ST18: variants seen among roughly 807,000 people sequenced by gnomAD.
ST18 encodes suppression of tumorigenicity 18 protein.
ST18 carries 50 observed loss-of-function variants against 110.0 expected under a neutral mutation model. The observed-to-expected ratio is 0.45, with a 90% CI of 0.36 to 0.58. The LOEUF (loss-of-function observed/expected upper bound fraction) is 0.58, where lower values mean the gene tolerates loss of function less well. ST18 is among the 20% of genes least tolerant of loss of function. The pLI is 0.00. For synonymous variants in ST18, 461 were observed against 452.4 expected, an observed-to-expected ratio of 1.02 and a Z score of -0.24; for missense variants, 1,306 against 1,280.1, an observed-to-expected ratio of 1.02 and a Z score of -0.31.
intron 2 of ST18, among the ~76,000 whole-genome samples, chr8:52,288,456 T>C (rs1333163023): frequency 1.3e-5 from 2 of 152,068 alleles, no homozygotes; most frequent in African/African-American, 2.4e-5. Flanking sequence ...TCCCAGCACT[T>C]TGAGAGACAG....
chr8:52,320,684 G>C (rs1300841329), intron 2 of ST18, among the ~76,000 whole-genome samples: 1 of 152,178 alleles, frequency 6.6e-6, no homozygotes, highest in Admixed American at 6.5e-5. Flanking sequence ...ACATTAAAAA[G>C]TATCACAATA....
chr8:52,151,671 G>A (rs908273337), intron 15 of ST18, among the ~76,000 whole-genome samples: 1 of 152,092 alleles, frequency 6.6e-6, no homozygotes. Flanking sequence ...ACAATTTTTG[G>A]CTTCGTAGCT....
At chr8:52,251,741 A>G (rs934025930) in intron 2 of ST18, among the ~76,000 whole-genome samples, 2 of 152,066 alleles carry the variant, frequency 1.3e-5, no homozygotes, top group Admixed American at 1.3e-4. Flanking sequence ...AATTAAATTT[A>G]TCCTTTCACC....
At chr8:52,373,230 C>A (rs981970061) in intron 2 of ST18, among the ~76,000 whole-genome samples, 13 of 151,982 alleles carry the variant, frequency 8.6e-5, no homozygotes, top group Non-Finnish European at 1.9e-4. Context: ...TCCTCATTTT[C>A]CCCCTTCAGA....
chr8:52,272,934 G>A (rs562845883), intron 2 of ST18, among the ~76,000 whole-genome samples: 1 of 152,256 alleles, frequency 6.6e-6, no homozygotes, highest in Non-Finnish European at 1.5e-5. Flanking sequence ...ATTCATCAAT[G>A]TGCATAAAAT....
intron 8 of ST18, among the ~76,000 whole-genome samples, chr8:52,210,668 T>C (rs1400213556): frequency 1.3e-5 from 2 of 151,204 alleles, no homozygotes; most frequent in African/African-American, 4.9e-5. Context: ...AGACCATGTC[T>C]CAAAAAAATA....
chr8:52,143,559 G>C (rs575946551), intron 16 of ST18, among the ~76,000 whole-genome samples: 1 of 152,262 alleles, frequency 6.6e-6, no homozygotes, highest in East Asian at 1.9e-4. Flanking sequence ...TATCCTAAGT[G>C]AAGAATGAAA....
intron 8 of ST18, among the ~76,000 whole-genome samples, chr8:52,186,994 C>A (rs766900126): frequency 6.6e-6 from 1 of 151,660 alleles, no homozygotes; most frequent in Non-Finnish European, 1.5e-5. Context: ...GCTATACATA[C>A]ATAAGTTGTG....
chr8:52,321,535 A>G (rs1271968809), intron 2 of ST18, among the ~76,000 whole-genome samples: 1 of 152,170 alleles, frequency 6.6e-6, no homozygotes, highest in Non-Finnish European at 1.5e-5. Context: ...TATTTTGTTT[A>G]TTTTGTTGCT....
intron 8 of ST18, among the ~76,000 whole-genome samples, chr8:52,188,394 C>G (rs1056623771): frequency 6.6e-6 from 1 of 152,118 alleles, no homozygotes; most frequent in South Asian, 2.1e-4. Context: ...ACAGCAGGTG[C>G]AAGGGCCCTG....
At chr8:52,146,864 T>C (rs941616203) in intron 16 of ST18, among the ~76,000 whole-genome samples, 1 of 152,212 alleles carries the variant, frequency 6.6e-6, no homozygotes, top group African/African-American at 2.4e-5. Context: ...AGTACTTTTA[T>C]GTGTGTGTCT....
At chr8:52,144,894 A>G (rs2056695693) in intron 16 of ST18, among the ~76,000 whole-genome samples, 1 of 152,138 alleles carries the variant, frequency 6.6e-6, no homozygotes, top group South Asian at 2.1e-4. Context: ...CTTAAACCTG[A>G]TAATTCCGCC....
chr8:52,238,496 C>A (rs2092997774), intron 2 of ST18, among the ~76,000 whole-genome samples: 1 of 151,886 alleles, frequency 6.6e-6, no homozygotes, highest in Non-Finnish European at 1.5e-5. Context: ...TGGTATCTAC[C>A]CAAAGGAAAA....
chr8:52,362,583 A>G (rs1460175306), intron 2 of ST18, among the ~76,000 whole-genome samples: 1 of 152,176 alleles, frequency 6.6e-6, no homozygotes, highest in Non-Finnish European at 1.5e-5. Context: ...TGTTTGGCAC[A>G]CAGACTAAGA....
At chr8:52,121,475 T>C (rs2044775651) in intron 23 of ST18, among the ~76,000 whole-genome samples, 1 of 152,208 alleles carries the variant, frequency 6.6e-6, no homozygotes, top group Admixed American at 6.5e-5. Flanking sequence ...ACAGAGTCGC[T>C]CATCTGCCAA....
At chr8:52,397,384 C>A (rs1841497535) in intron 2 of ST18, among the ~76,000 whole-genome samples, 1 of 152,126 alleles carries the variant, frequency 6.6e-6, no homozygotes, top group South Asian at 2.1e-4. Context: ...AAATTAACTC[C>A]TTATCAGATA....
intron 2 of ST18, among the ~76,000 whole-genome samples, chr8:52,275,553 A>G (rs2095216475): frequency 6.6e-6 from 1 of 152,246 alleles, no homozygotes; most frequent in South Asian, 2.1e-4. Context: ...GTAGATGTGT[A>G]TCTGGGGTAA....
chr8:52,165,648 T>G (rs2062734629), intron 11 of ST18, among the ~76,000 whole-genome samples: 3 of 152,168 alleles, frequency 2.0e-5, no homozygotes, highest in South Asian at 2.1e-4. Context: ...TTTTGATTCT[T>G]TGTCCATCCA....
chr8:52,130,596 G>A (rs2049182979), intron 22 of ST18, among the ~76,000 whole-genome samples: 1 of 152,240 alleles, frequency 6.6e-6, no homozygotes, highest in Admixed American at 6.5e-5. Flanking sequence ...AAGTCTGAGT[G>A]TGTGCTGGGG....
Sources: allele counts gnomAD v4.1 joint callset (sites outside exome capture counted in the v4.1 genomes callset), GRCh38; gene constraint gnomAD v4.1.1; transcripts MANE v1.5; gene names NCBI Gene and HGNC (gene_info 2026-07-23, HGNC 2026-07-21).